The following SMCO4 variants were observed in gnomAD, a reference collection of about 807,000 sequenced individuals.
The protein encoded by SMCO4 is single-pass membrane protein with coiled-coil domains 4.
Under a neutral mutation model 3.6 loss-of-function variants are expected in SMCO4, and 4 were observed. The ratio of observed to expected loss-of-function variants is 1.11; its 90% CI spans 0.54 to 2.53. The LOEUF is 2.53. Ranked by LOEUF, SMCO4 falls within the 30% of genes most tolerant of loss-of-function variation. The probability of loss-of-function intolerance (pLI) is 0.02; values close to 1 mark genes in which losing one functional copy is unlikely to be tolerated. For missense variants in SMCO4, 70 were observed against 80.8 expected (o/e 0.87, Z 0.51); for synonymous variants, 36 against 35.3 (o/e 1.02, Z -0.07).
At chr11:93,496,369 T>G (rs1948772403) in intron 2 of SMCO4, among the ~76,000 whole-genome samples, 1 of 152,134 alleles carries the variant, frequency 6.6e-6, no homozygotes, top group Admixed American at 6.5e-5. Flanking sequence ...TACCAGTTTC[T>G]GGCCTGACAA....
intron 1 of SMCO4, among the ~76,000 whole-genome samples, chr11:93,507,936 C>T (rs1948923326): frequency 6.6e-6 from 1 of 152,190 alleles, no homozygotes; most frequent in Non-Finnish European, 1.5e-5. Context: ...AAAACAATGT[C>T]ACTCTTCTCA....
intron 1 of SMCO4, chr11:93,537,725 T>C (rs1408691839): frequency 1.3e-5 from 2 of 151,770 alleles, no homozygotes; most frequent in African/African-American, 4.8e-5. Context: ...AAGAAACAAC[T>C]GGACACTCTA....
At chr11:93,549,930 C>T in the SMCO4 span, among the ~76,000 whole-genome samples, 20 of 151,198 alleles carry the variant, frequency 1.3e-4, no homozygotes, top group African/African-American at 4.8e-4. Flanking sequence ...CAAAATTATA[C>T]CTATTCTTGG....
chr11:93,537,489 A>G (rs539560359), intron 1 of SMCO4, among the ~76,000 whole-genome samples: 14 of 152,184 alleles, frequency 9.2e-5, no homozygotes, highest in Non-Finnish European at 2.1e-4. Flanking sequence ...TTGCAGGGGC[A>G]CTGCTATAGA....
At chr11:93,507,325 G>A (rs12289103) in intron 1 of SMCO4, among the ~76,000 whole-genome samples, 33,478 of 152,032 alleles carry the variant, frequency 0.22, 4,006 homozygotes, top group East Asian at 0.39. Context: ...ACTTGAACCC[G>A]GGAAGCGGAG....
At chr11:93,534,827 C>T (rs989926858) in intron 1 of SMCO4, among the ~76,000 whole-genome samples, 11 of 152,352 alleles carry the variant, frequency 7.2e-5, no homozygotes, top group South Asian at 2.1e-4. Flanking sequence ...AGCCACCAGA[C>T]GCCTTCTCTG....
In SMCO4 at chr11:93,479,139, C is replaced by A; in HGVS notation, c.51G>T (p.Lys17Asn). 6.2e-7 allele frequency: 1 copy of A among 1,614,132 alleles called. No homozygotes were observed. Among genetic ancestry groups the A allele is most frequent in the South Asian group, 1.1e-5 (1 of 91,086 alleles). ...KPKKETSKDKKERKQAMQEAR... is the reference protein window; with the variant it reads ...KPKKETSKDKNERKQAMQEAR... ...CCTCCTGCATGGCTTGCTTCCGCTC[C>A]TTCTTGTCCTTGGAGGTCTCCTTCT... is the stretch of plus-strand genomic sequence containing the variant. The change falls in exon 3 of 3, where the codon AAG becomes AAT. Residue 17 changes from lysine (K) to asparagine (N), a missense_variant. Lys to Asn is a moderately conservative substitution (Grantham distance 94). Transcript: ENST00000298966.
upstream of SMCO4, among the ~76,000 whole-genome samples, chr11:93,544,160 C>G (rs1408036238): frequency 6.6e-6 from 1 of 152,164 alleles, no homozygotes; most frequent in Non-Finnish European, 1.5e-5. Flanking sequence ...ATAATAAAAC[C>G]TACTTCACAG....
rs11020391 is a variant in SMCO4, at chr11:93,508,272, T to C, written c.-153-8924A>G. Among the ~76,000 whole-genome samples, 764 of 152,272 alleles carry C rather than the reference T, an allele frequency of 5.0e-3. 33 individuals carry two copies. The East Asian group carries it at 0.072, about 14-fold the overall frequency. On this transcript the variant is annotated intron_variant, in intron 1 of 2. Coordinates refer to ENST00000298966, the MANE Select transcript of SMCO4 (RefSeq NM_020179.3). ...AACACTGGGATGGGGCATTCAGAGC[T>C]GATCTTCAAGAGCCTATGAAGGGTG...
chr11:93,478,740 C>CACAA lies in SMCO4; in HGVS notation c.*269_*270insTTGT, dbSNP rs1939960019. ...ACACACACACACACACACACACACA[C>CACAA]ACACACACACACATGCGCGCGCGCT... On this transcript the variant is annotated 3_prime_UTR_variant, in exon 3 of 3. Coordinates refer to ENST00000298966, the MANE Select transcript of SMCO4 (RefSeq NM_020179.3). 1.4e-6 allele frequency: 1 copy of CACAA among 724,442 alleles called. No homozygotes were observed. Among genetic ancestry groups the CACAA allele is most frequent in the African/African-American group, 1.8e-5 (1 of 55,846 alleles). 44.9% of individuals were successfully genotyped at this position (724,442 alleles called of 1,614,324 possible).
intron 1 of SMCO4, among the ~76,000 whole-genome samples, chr11:93,540,213 A>C (rs1327095215): frequency 6.6e-6 from 1 of 152,218 alleles, no homozygotes; most frequent in East Asian, 1.9e-4. Context: ...CTGCTGAAAG[A>C]CTTACTCAAT....
intron 2 of SMCO4, among the ~76,000 whole-genome samples, chr11:93,498,455 G>GC (rs1450976246): frequency 6.6e-6 from 1 of 152,006 alleles, no homozygotes; most frequent in African/African-American, 2.4e-5. Flanking sequence ...GAGACCTAAA[G>GC]CCCCCCACAT....
intron 1 of SMCO4, among the ~76,000 whole-genome samples, chr11:93,502,721 G>A (rs890194882): frequency 1.3e-5 from 2 of 151,898 alleles, no homozygotes; most frequent in African/African-American, 2.4e-5. Context: ...AATGCTACAC[G>A]GCAACATCAT....
chr11:93,517,324 T>C (rs564353736), intron 1 of SMCO4, among the ~76,000 whole-genome samples: 110 of 152,172 alleles, frequency 7.2e-4, no homozygotes, highest in Non-Finnish European at 1.4e-3. Flanking sequence ...CAATTGGTTT[T>C]TTCTTCTTTA....
intron 2 of SMCO4, among the ~76,000 whole-genome samples, chr11:93,484,466 G>C (rs1948625737): frequency 6.6e-6 from 1 of 152,100 alleles, no homozygotes; most frequent in Admixed American, 6.5e-5. Context: ...AAACGATCTT[G>C]GACAAGGTAC....
intron 1 of SMCO4, among the ~76,000 whole-genome samples, chr11:93,543,042 G>A (rs1949284275): frequency 6.6e-6 from 1 of 151,824 alleles, no homozygotes; most frequent in South Asian, 2.1e-4. Flanking sequence ...AGCCGCGACG[G>A]GCAGGCGAGC....
upstream of SMCO4, among the ~76,000 whole-genome samples, chr11:93,547,685 A>G (rs936773720): frequency 6.6e-5 from 10 of 152,182 alleles, no homozygotes; most frequent in African/African-American, 2.2e-4. Context: ...GAGCAAACAA[A>G]TGAATGAATA....
intron 2 of SMCO4, among the ~76,000 whole-genome samples, chr11:93,497,755 T>TG (rs1415470359): frequency 3.3e-5 from 5 of 152,206 alleles, no homozygotes; most frequent in Non-Finnish European, 7.3e-5. Context: ...AGTTACCACT[T>TG]GCCTCTGCCT....
At chr11:93,526,887 G>A (rs1327285263) in intron 1 of SMCO4, among the ~76,000 whole-genome samples, 1 of 152,186 alleles carries the variant, frequency 6.6e-6, no homozygotes, top group African/African-American at 2.4e-5. Flanking sequence ...AGTTCAATGT[G>A]TGTTCTCCAA....
Sources: allele counts gnomAD v4.1 joint callset (sites outside exome capture counted in the v4.1 genomes callset), GRCh38; gene constraint gnomAD v4.1.1; transcripts MANE v1.5; gene names NCBI Gene and HGNC (gene_info 2026-07-23, HGNC 2026-07-21).